CDKAL1: variants seen among roughly 807,000 people sequenced by gnomAD.
The protein encoded by CDKAL1 is CDKAL1 threonylcarbamoyladenosine tRNA methylthiotransferase.
In CDKAL1, 32 loss-of-function variants were observed where a neutral mutation model predicts 68.2. The ratio of observed to expected loss-of-function variants is 0.47; its 90% CI spans 0.35 to 0.63. CDKAL1 has a LOEUF of 0.63. Ranked by LOEUF, CDKAL1 falls within the 30% of genes least tolerant of loss-of-function variation. The pLI is 0.00. For missense variants in CDKAL1, 606 were observed against 696.7 expected, an observed-to-expected ratio of 0.87 and a Z score of 1.47; for synonymous variants, 234 against 244.3, an observed-to-expected ratio of 0.96 and a Z score of 0.39.
intron 9 of CDKAL1, among the ~76,000 whole-genome samples, chr6:20,850,843 T>C (rs528729936): frequency 1.1e-4 from 16 of 152,310 alleles, no homozygotes; most frequent in African/African-American, 3.8e-4. Context: ...CATGAAGTCA[T>C]TCTGAATATA....
At chr6:20,919,158 G>C (rs1271931897) in intron 9 of CDKAL1, among the ~76,000 whole-genome samples, 2 of 152,172 alleles carry the variant, frequency 1.3e-5, no homozygotes, top group Non-Finnish European at 2.9e-5. Flanking sequence ...GGGGTCTACA[G>C]CATCATTAGC....
intron 4 of CDKAL1, among the ~76,000 whole-genome samples, chr6:20,593,605 T>TAA (rs539991104): frequency 1.2e-3 from 141 of 121,962 alleles, no homozygotes; most frequent in African/African-American, 4.2e-3. Flanking sequence ...CATTAATCTT[T>TAA]AAAAAAAAAA....
chr6:20,554,200 G>A (rs907233001), intron 4 of CDKAL1, among the ~76,000 whole-genome samples: 1 of 152,182 alleles, frequency 6.6e-6, no homozygotes, highest in Non-Finnish European at 1.5e-5. Flanking sequence ...AATGATGTTA[G>A]CCCCTAAAAC....
chr6:20,861,629 G>A (rs4330531), intron 9 of CDKAL1, among the ~76,000 whole-genome samples: 146,018 of 152,334 alleles, frequency 0.96, 69,996 homozygotes, highest in East Asian at 1. Context: ...TTCATGTTCT[G>A]TGTAGACAGA....
At chr6:20,989,889 C>G (rs1389510331) in intron 10 of CDKAL1, among the ~76,000 whole-genome samples, 1 of 152,072 alleles carries the variant, frequency 6.6e-6, no homozygotes, top group African/African-American at 2.4e-5. Context: ...CCACCACCAT[C>G]ATCATTAGAC....
At chr6:21,203,799 C>T (rs1422010024) in intron 15 of CDKAL1, among the ~76,000 whole-genome samples, 2 of 148,214 alleles carry the variant, frequency 1.3e-5, no homozygotes, top group African/African-American at 2.5e-5. Flanking sequence ...CAGGTTCAAG[C>T]GATTCTCCTG....
Position 21,068,304 on chromosome 6 carries a change from C to T in CDKAL1, c.1236+3076C>T, listed in dbSNP as rs533167441. On this transcript the variant is annotated intron_variant, in intron 12 of 15. Transcript: ENST00000274695. ...CCTTCTCCACACCATCATAAAGATA[C>T]CCCTCAATGTACTGTTCTAGAAATT... 1.1e-4 allele frequency among the ~76,000 whole-genome samples: 17 copies of T among 152,160 alleles called. 1 individual carries two copies. The South Asian group carries it at 3.3e-3, about 30-fold the overall frequency.
chr6:20,645,383 A>G lies in CDKAL1; in HGVS notation c.287-3910A>G, dbSNP rs1252344220. Among the ~76,000 whole-genome samples the G allele has an allele frequency of 2.6e-5, 4 of 152,308 alleles. No homozygotes were observed. The South Asian group carries it at 6.2e-4, about 24-fold the overall frequency. ...GTAATAACACTTAAAACACAAGTATATTGTACAGCTGAACAAAAATATTTC... is the reference window on the plus strand; with the variant it reads ...GTAATAACACTTAAAACACAAGTATGTTGTACAGCTGAACAAAAATATTTC... On this transcript the variant is annotated intron_variant, in intron 4 of 15. Coordinates refer to ENST00000274695, the MANE Select transcript of CDKAL1 (RefSeq NM_017774.3).
chr6:21,177,248 C>A (rs1777619757), intron 13 of CDKAL1, among the ~76,000 whole-genome samples: 1 of 152,060 alleles, frequency 6.6e-6, no homozygotes, highest in East Asian at 1.9e-4. Flanking sequence ...TCTTGTTTTT[C>A]ACTTGAGAGA....
chr6:20,970,105 G>A (rs138937102), intron 10 of CDKAL1, among the ~76,000 whole-genome samples: 29 of 152,302 alleles, frequency 1.9e-4, no homozygotes, highest in Non-Finnish European at 3.1e-4. Context: ...AAATAAGCAA[G>A]CTGTGTGAGT....
intron 13 of CDKAL1, among the ~76,000 whole-genome samples, chr6:21,193,918 AT>A (rs1778362178): frequency 6.6e-6 from 1 of 152,212 alleles, no homozygotes; most frequent in Non-Finnish European, 1.5e-5. Flanking sequence ...AGACTGGATA[AT>A]TTATAAGGAA....
At chr6:20,721,781 A>G (rs1000168981) in intron 5 of CDKAL1, among the ~76,000 whole-genome samples, 4 of 123,076 alleles carry the variant, frequency 3.3e-5, no homozygotes, top group Middle Eastern at 7.7e-3. Flanking sequence ...CACCCAGGCT[A>G]GAGTGCAATG....
At chr6:20,679,078 T>TGA (rs1770254772) in intron 5 of CDKAL1, among the ~76,000 whole-genome samples, 1 of 152,190 alleles carries the variant, frequency 6.6e-6, no homozygotes, top group African/African-American at 2.4e-5. Flanking sequence ...CTAGATTTAT[T>TGA]TATTGATTGA....
chr6:20,953,718 C>T (rs1186612700), intron 9 of CDKAL1, among the ~76,000 whole-genome samples: 2 of 152,128 alleles, frequency 1.3e-5, no homozygotes, highest in African/African-American at 4.8e-5. Flanking sequence ...AAATTGTACA[C>T]CTCTAAAAAT....
intron 5 of CDKAL1, among the ~76,000 whole-genome samples, chr6:20,683,434 T>G (rs1770473819): frequency 6.6e-6 from 1 of 152,222 alleles, no homozygotes; most frequent in East Asian, 1.9e-4. Flanking sequence ...AAGTCTTGGC[T>G]TTACTTATAT....
At chr6:20,781,759 C>A (rs1001153090) in intron 8 of CDKAL1, among the ~76,000 whole-genome samples, 3 of 151,620 alleles carry the variant, frequency 2.0e-5, no homozygotes, top group African/African-American at 4.9e-5. Flanking sequence ...AATTTCCACA[C>A]CTTGATTTAA....
Position 21,065,269 on chromosome 6 carries a change from G to C in CDKAL1, c.1236+41G>C, listed in dbSNP as rs1190677064. The C allele has an allele frequency of 2.7e-6, 4 of 1,495,400 alleles. No individual in the cohort carries two copies. The African/African-American group carries it at 5.6e-5, about 21-fold the overall frequency. 92.6% of individuals were successfully genotyped at this position (1,495,400 alleles called of 1,614,324 possible). A position where few individuals can be genotyped will look rare whatever the true frequency, so the allele number is the denominator to read the frequency against. On this transcript the variant is annotated intron_variant, in intron 12 of 15. Transcript: ENST00000274695. ...TGTAAGGTATTGTTTTTTGCCAGTA[G>C]CTATAGAAATGCAGCTGTGTTGCCT...
At position 21,228,150 on chromosome 6, in the gene CDKAL1, C is replaced by T. The variant is rs548896241; in HGVS notation, c.1549-2698C>T. ...TCCCTGAAGCTCGTGTAGCCAGTTT[C>T]GGGGTCTCTCAATTTGAGGGGCCCC... On this transcript the variant is annotated intron_variant, in intron 15 of 15. Transcript: ENST00000274695. Among the ~76,000 whole-genome samples the T allele has an allele frequency of 1.1e-3, 166 of 152,230 alleles. 1 individual carries two copies. The South Asian group carries it at 0.03, about 28-fold the overall frequency.
chr6:20,817,302 A>C (rs1777087030), intron 8 of CDKAL1, among the ~76,000 whole-genome samples: 1 of 152,156 alleles, frequency 6.6e-6, no homozygotes, highest in Non-Finnish European at 1.5e-5. Context: ...CATTTAAAAA[A>C]ATTGAAGTGG....
Sources: allele counts gnomAD v4.1 joint callset (sites outside exome capture counted in the v4.1 genomes callset), GRCh38; gene constraint gnomAD v4.1.1; transcripts MANE v1.5; gene names NCBI Gene and HGNC (gene_info 2026-07-23, HGNC 2026-07-21).